Variants in SIRT3 observed in about 807,000 individuals in gnomAD.
The protein encoded by SIRT3 is NAD-dependent protein deacetylase sirtuin-3, mitochondrial.
A neutral mutation model predicts 33.5 loss-of-function variants in SIRT3; 26 were observed. The ratio of observed to expected loss-of-function variants is 0.78; its 90% CI spans 0.57 to 1.08. The LOEUF (loss-of-function observed/expected upper bound fraction) is 1.08, where lower values mean the gene tolerates loss of function less well. SIRT3 is among the 50% of genes least tolerant of loss of function. SIRT3 has a pLI of 0.00. For synonymous variants in SIRT3, 237 were observed against 222.1 expected, an observed-to-expected ratio of 1.07 and a Z score of -0.60; for missense variants, 585 against 530.1, an observed-to-expected ratio of 1.10 and a Z score of -1.02.
At position 233,508 on chromosome 11, in the gene SIRT3, G is replaced by T. The variant is rs774781910; in HGVS notation, c.308C>A (p.Ser103Tyr). Residue 103 changes from serine (S) to tyrosine (Y), a missense_variant, in exon 2 of 7, where the codon TCT becomes TAT. By Grantham distance (144) the Ser-to-Tyr change is moderately radical. Transcript: ENST00000382743. The part of the protein sequence containing the change: ...SSIKGGRRSI[S>Y]FSVGASSVVG... ...AACACTTGAAGCACCCACAGAAAAAGATATGGACCTTCTTCCACCTTTAAT... is the reference window on the plus strand; with the variant it reads ...AACACTTGAAGCACCCACAGAAAAATATATGGACCTTCTTCCACCTTTAAT... The T allele has an allele frequency of 1.9e-6, 3 of 1,613,972 alleles. No individual in the cohort carries two copies. Among genetic ancestry groups the T allele is most frequent in the African/African-American group, 1.3e-5 (1 of 74,902 alleles).
At chr11:231,327 T>A (rs1224659664) in intron 3 of SIRT3, among the ~76,000 whole-genome samples, 1 of 152,052 alleles carries the variant, frequency 6.6e-6, no homozygotes, top group Non-Finnish European at 1.5e-5. Context: ...TCCCAGCTAT[T>A]CCAGAGGCTG....
At chr11:231,346 G>A (rs1383556340) in intron 3 of SIRT3, among the ~76,000 whole-genome samples, 2 of 152,126 alleles carry the variant, frequency 1.3e-5, no homozygotes, top group Admixed American at 1.3e-4. Flanking sequence ...TGAGGCAAAA[G>A]GATCACTTCG....
chr11:218,662 G>C (rs1259582567), intron 6 of SIRT3, 170 bp downstream of exon 6: 4 of 1,195,094 alleles, frequency 3.3e-6, no homozygotes, highest in Non-Finnish European at 4.6e-6. Context: ...CTAAATGGAG[G>C]TATTGAAAGT....
intron 4 of SIRT3, among the ~76,000 whole-genome samples, chr11:229,853 C>T (rs1306088774): frequency 1.3e-5 from 2 of 152,274 alleles, no homozygotes; most frequent in African/African-American, 2.4e-5. Flanking sequence ...GACTCTCAAA[C>T]GAATACTTGC....
At chr11:233,306 G>C (rs371091895) in intron 2 of SIRT3, 37 bp downstream of exon 2, 1 of 1,604,094 alleles carries the variant, frequency 6.2e-7, no homozygotes, top group Non-Finnish European at 8.5e-7. Context: ...AGTCAGGGGA[G>C]GGGAGCGCAG....
intron 1 of SIRT3, among the ~76,000 whole-genome samples, chr11:234,970 C>T (rs1319156144): frequency 6.6e-6 from 1 of 151,596 alleles, no homozygotes; most frequent in Non-Finnish European, 1.5e-5. Context: ...CTCTGCCTTC[C>T]GGGTTCAAGT....
chr11:227,168 G>A (rs945179892), intron 4 of SIRT3, among the ~76,000 whole-genome samples: 2 of 151,912 alleles, frequency 1.3e-5, no homozygotes, highest in East Asian at 2.0e-4. Flanking sequence ...GGCCAGACAC[G>A]GTGGCTCATG....
rs1288503660 is a variant in SIRT3, at chr11:223,811, C to G, written c.969+267G>C. ...GGCCCATGAGATGACTCCTGTACCC[C>G]TCCCTTCCCCTGCCCTCCAGCCTCC... On this transcript the variant is annotated intron_variant, in intron 5 of 6. Coordinates refer to ENST00000382743, the MANE Select transcript of SIRT3 (RefSeq NM_012239.6). The surrounding 1 kb of genome is among the most constrained non-coding windows in gnomAD (Gnocchi z 4.8). The G allele has an allele frequency of 1.9e-5, 18 of 956,060 alleles. No homozygotes were observed. Among genetic ancestry groups the G allele is most frequent in the Non-Finnish European group, 2.8e-5 (17 of 610,306 alleles). The allele number at this position is 956,060 out of a possible 1,614,324, so 59.2% of individuals were successfully genotyped here.
At position 233,360 on chromosome 11, in the gene SIRT3, A is replaced by G; in HGVS notation, c.456T>C (p.Ser152=). Residue 152 remains serine, a synonymous_variant, in exon 2 of 7, where the codon AGT becomes AGC. Coordinates refer to ENST00000382743, the MANE Select transcript of SIRT3 (RefSeq NM_012239.6). The part of the protein sequence containing the change: ...VMVGAGISTP[S]GIPDFRSPGS... ...GGCAGTACCTGAAGTCTGGAATGCC[A>G]CTGGGTGTGCTGATGCCGGCCCCCA... The G allele has an allele frequency of 6.2e-7, 1 of 1,613,864 alleles. No individual in the cohort carries two copies. Among genetic ancestry groups the G allele is most frequent in the Non-Finnish European group, 8.5e-7 (1 of 1,179,882 alleles).
intron 4 of SIRT3, among the ~76,000 whole-genome samples, chr11:226,683 C>CA (rs1181631277): frequency 6.6e-6 from 1 of 151,698 alleles, no homozygotes; most frequent in African/African-American, 2.4e-5. Context: ...ACTGGGATTA[C>CA]AGGCAGGAGC....
At chr11:228,891 A>G (rs1463424269) in intron 4 of SIRT3, among the ~76,000 whole-genome samples, 1 of 152,264 alleles carries the variant, frequency 6.6e-6, no homozygotes, top group African/African-American at 2.4e-5. Flanking sequence ...AATAAAAAAG[A>G]CAACACAATT....
rs563874348 is a variant in SIRT3 at position 220,213 on chromosome 11, C to T, written c.970-1172G>A. Among the ~76,000 whole-genome samples the T allele has an allele frequency of 2.0e-5, 3 of 151,450 alleles. No individual in the cohort carries two copies. In the East Asian group the frequency reaches 5.8e-4, roughly 29 times the overall value. On this transcript the variant is annotated intron_variant, in intron 5 of 6. Transcript: ENST00000382743. Reference sequence around the variant, plus strand: ...GGCGTGGTGGCACGCACCTATAATCCGAGCTACTCGGGAGGTTGAGGCAGG... The same window carrying T: ...GGCGTGGTGGCACGCACCTATAATCTGAGCTACTCGGGAGGTTGAGGCAGG...
intron 3 of SIRT3, 88 bp downstream of exon 3, chr11:232,895 G>C (rs1858276692): frequency 2.3e-6 from 3 of 1,290,878 alleles, no homozygotes. Flanking sequence ...TCCCCTGTGA[G>C]AAACAGGCAC....
Position 232,926 on chromosome 11 carries a change from C to G in SIRT3, c.706+57G>C, listed in dbSNP as rs556151979. ...GGCACCCGAGCCTCCCTGGGAGAAA[C>G]AGGCACCCGAGCCTCCGTGGGAGAA... On this transcript the variant is annotated intron_variant, in intron 3 of 6. Transcript: ENST00000382743. 326 of 1,546,318 alleles carry G rather than the reference C, an allele frequency of 2.1e-4. 1 individual carries two copies. The South Asian group carries it at 3.5e-3, about 17-fold the overall frequency.
intron 6 of SIRT3, among the ~76,000 whole-genome samples, chr11:217,323 G>A (rs1855791544): frequency 6.6e-6 from 1 of 152,242 alleles, no homozygotes; most frequent in African/African-American, 2.4e-5. Flanking sequence ...GGTGGCACAT[G>A]CCTGTAATCC....
chr11:217,488 C>T (rs957507588), intron 6 of SIRT3, among the ~76,000 whole-genome samples: 3 of 152,320 alleles, frequency 2.0e-5, no homozygotes, highest in African/African-American at 7.2e-5. Context: ...GGAAAAGGAT[C>T]CCTCAAAAAA....
chr11:230,546 C>T lies in SIRT3; in HGVS notation c.713G>A (p.Gly238Asp). ...TTCAACCAGCTTTGAGGCAGGGATG[C>T]CCGACACTGAAATTCAAGCCAAAGC... ...QNIDGLERVS[G>D]IPASKLVEAH... The change falls in exon 4 of 7, where the codon GGC (glycine) becomes GAC (aspartate). Residue 238 changes from glycine (G) to aspartate (D), a missense_variant. Gly to Asp is a moderately conservative substitution (Grantham distance 94, BLOSUM62 -1). Transcript: ENST00000382743. 2.0e-6 allele frequency: 3 copies of T among 1,517,270 alleles called. No individual in the cohort carries two copies. Among genetic ancestry groups the T allele is most frequent in the East Asian group, 2.6e-5 (1 of 38,808 alleles). The allele number at this position is 1,517,270 out of a possible 1,614,324, so 94.0% of individuals were successfully genotyped here.
chr11:231,984 G>A (rs978309742), intron 3 of SIRT3, among the ~76,000 whole-genome samples: 1 of 139,960 alleles, frequency 7.1e-6, no homozygotes, highest in African/African-American at 2.6e-5. Flanking sequence ...CACAACCTGT[G>A]AATCGCTGGT....
rs1855672680 is a variant in SIRT3, at chr11:216,590, A to G, written c.*108T>C. ...AGCCTCGGGTGTCCACTCAGTTCAC[A>G]TATTCTGGTTTCACCTGCCCAAGCT... On this transcript the variant is annotated 3_prime_UTR_variant, in exon 7 of 7. Coordinates refer to ENST00000382743, the MANE Select transcript of SIRT3 (RefSeq NM_012239.6). 8.0e-7 allele frequency: 1 copy of G among 1,257,140 alleles called. No homozygotes were observed. Among genetic ancestry groups the G allele is most frequent in the Non-Finnish European group, 1.2e-6 (1 of 861,004 alleles). The allele number at this position is 1,257,140 out of a possible 1,614,324, so 77.9% of individuals were successfully genotyped here.
Sources: allele counts gnomAD v4.1 joint callset (sites outside exome capture counted in the v4.1 genomes callset), GRCh38; gene constraint gnomAD v4.1.1; non-coding constraint Gnocchi (gnomAD v3.1); transcripts MANE v1.5; gene names NCBI Gene and HGNC (gene_info 2026-07-23, HGNC 2026-07-21).